The following PDE3B variants were observed in gnomAD, a reference collection of about 807,000 sequenced individuals.
The protein encoded by PDE3B is cGMP-inhibited 3',5'-cyclic phosphodiesterase 3B.
PDE3B carries 66 observed loss-of-function variants against 116.8 expected under a neutral mutation model. The observed-to-expected ratio is 0.56, with a 90% confidence interval of 0.46 to 0.69. The LOEUF is 0.69. Among genes scored for constraint, PDE3B ranks in the 30% least tolerant of loss-of-function variants. PDE3B has a pLI of 0.00. For synonymous variants in PDE3B, 595 were observed against 533.6 expected, an observed-to-expected ratio of 1.12 and a Z score of -1.59; for missense variants, 1,384 against 1,368.1, an observed-to-expected ratio of 1.01 and a Z score of -0.18.
At chr11:14,664,035 A>G (rs890314505) in intron 1 of PDE3B, among the ~76,000 whole-genome samples, 6 of 152,212 alleles carry the variant, frequency 3.9e-5, no homozygotes, top group Non-Finnish European at 8.8e-5. Flanking sequence ...TCCTCAGCAA[A>G]TGTAAACAAG....
chr11:14,869,222 A>G (rs1242205870), intron 15 of PDE3B, among the ~76,000 whole-genome samples: 1 of 152,060 alleles, frequency 6.6e-6, no homozygotes, highest in Non-Finnish European at 1.5e-5. Context: ...ACCATCTAAC[A>G]TATTCCTGTT....
intron 4 of PDE3B, among the ~76,000 whole-genome samples, chr11:14,792,930 C>T (rs961823545): frequency 7.9e-5 from 12 of 152,264 alleles, no homozygotes; most frequent in Middle Eastern, 3.4e-3. Flanking sequence ...CATTCTCTTA[C>T]GGCGCTTTTC....
intron 1 of PDE3B, among the ~76,000 whole-genome samples, chr11:14,765,420 G>A (rs953920807): frequency 4.0e-5 from 6 of 151,752 alleles, no homozygotes; most frequent in Non-Finnish European, 7.4e-5. Context: ...TCCGTAGAGC[G>A]TGTTAGACTT....
intron 1 of PDE3B, among the ~76,000 whole-genome samples, chr11:14,749,874 T>C (rs12224911): frequency 1.3e-5 from 1 of 74,314 alleles, no homozygotes; most frequent in Admixed American, 1.6e-4. Flanking sequence ...ATTTATATAT[T>C]TATAGATTTA....
At chr11:14,727,046 A>G (rs1289111117) in intron 1 of PDE3B, among the ~76,000 whole-genome samples, 1 of 152,072 alleles carries the variant, frequency 6.6e-6, no homozygotes, top group African/African-American at 2.4e-5. Context: ...CCCTTTTTGC[A>G]AGGTGGCAAA....
the PDE3B span, chr11:14,885,691 C>A: frequency 7.1e-7 from 1 of 1,399,498 alleles, no homozygotes; most frequent in Non-Finnish European, 1.0e-6. Flanking sequence ...ATAAAATAAT[C>A]CCAACTGTAT....
chr11:14,771,839 C>G, intron 1 of PDE3B, 98 bp from the exon 2 acceptor site: 2 of 449,576 alleles, frequency 4.4e-6, no homozygotes, highest in Non-Finnish European at 4.1e-6. Context: ...AGATTTTGAG[C>G]TATATTAGAT....
chr11:14,722,380 A>T (rs936878768), intron 1 of PDE3B, among the ~76,000 whole-genome samples: 4 of 152,178 alleles, frequency 2.6e-5, no homozygotes, highest in Admixed American at 6.6e-5. Context: ...CATCTGTGTC[A>T]ACTGGCAGAT....
chr11:14,861,190 G>A lies in PDE3B; in HGVS notation c.2725-15G>A, dbSNP rs369539204. 4 of 1,597,214 alleles carry A rather than the reference G, an allele frequency of 2.5e-6. No homozygotes were observed. Among genetic ancestry groups the A allele is most frequent in the Non-Finnish European group, 3.4e-6 (4 of 1,168,364 alleles). On this transcript the variant is annotated splice_polypyrimidine_tract_variant and intron_variant, in intron 13 of 15. Transcript: ENST00000282096. ...TGCCTTCAGAACCTAAAATGATGTT[G>A]TTTTTCCAAAATAGGCAAATGATGT...
chr11:14,899,136 A>G, the PDE3B span, among the ~76,000 whole-genome samples: 1 of 152,184 alleles, frequency 6.6e-6, no homozygotes, highest in Non-Finnish European at 1.5e-5. Context: ...GACTATGCTT[A>G]GTGCTGGATC....
intron 11 of PDE3B, among the ~76,000 whole-genome samples, chr11:14,836,797 C>CCTTT (rs1039126102): frequency 6.6e-6 from 1 of 151,974 alleles, no homozygotes; most frequent in Non-Finnish European, 1.5e-5. Flanking sequence ...GGCTCATGGC[C>CCTTT]CTTTCTTTCT....
the PDE3B span, among the ~76,000 whole-genome samples, chr11:14,892,894 G>T: frequency 6.6e-6 from 1 of 152,172 alleles, no homozygotes; most frequent in Non-Finnish European, 1.5e-5. Flanking sequence ...GTCTGCACTT[G>T]TTCACGGAGA....
At chr11:14,809,280 T>C (rs1859050264) in intron 5 of PDE3B, among the ~76,000 whole-genome samples, 1 of 152,218 alleles carries the variant, frequency 6.6e-6, no homozygotes, top group South Asian at 2.1e-4. Flanking sequence ...CAAAAACTTG[T>C]GCATAAATGT....
At chr11:14,813,057 G>T (rs1859201691) in intron 5 of PDE3B, among the ~76,000 whole-genome samples, 1 of 152,166 alleles carries the variant, frequency 6.6e-6, no homozygotes, top group South Asian at 2.1e-4. Context: ...CACCACATCT[G>T]CCAGTGCCTT....
intron 1 of PDE3B, among the ~76,000 whole-genome samples, chr11:14,691,969 G>A (rs1389836627): frequency 6.6e-6 from 1 of 152,030 alleles, no homozygotes. Context: ...TGAAATTATT[G>A]ATTTATAATA....
At chr11:14,716,270 C>T (rs1284428617) in intron 1 of PDE3B, among the ~76,000 whole-genome samples, 4 of 152,292 alleles carry the variant, frequency 2.6e-5, no homozygotes, top group East Asian at 1.9e-4. Flanking sequence ...GAGGGTGCTA[C>T]GCCCACGGAA....
chr11:14,864,625 A>G (rs1555007786), intron 14 of PDE3B, among the ~76,000 whole-genome samples: 1 of 152,246 alleles, frequency 6.6e-6, no homozygotes, highest in Non-Finnish European at 1.5e-5. Flanking sequence ...CAATCAAATT[A>G]GAACTCAGGA....
At chr11:14,673,987 C>T (rs1854455958) in intron 1 of PDE3B, 1 of 1,368,580 alleles carries the variant, frequency 7.3e-7, no homozygotes, top group Admixed American at 1.7e-5. Flanking sequence ...ATGGAATCCA[C>T]ATTTCTTCTT....
chr11:14,879,239 G>A, the PDE3B span: 70 of 1,613,100 alleles, frequency 4.3e-5, no homozygotes, highest in South Asian at 5.6e-4. Context: ...ATAAAGATTT[G>A]TAATTACTGT....
Sources: allele counts gnomAD v4.1 joint callset (sites outside exome capture counted in the v4.1 genomes callset), GRCh38; gene constraint gnomAD v4.1.1; transcripts MANE v1.5; gene names NCBI Gene and HGNC (gene_info 2026-07-23, HGNC 2026-07-21).